LONP2: variants seen among roughly 807,000 people sequenced by gnomAD.
LONP2 encodes the protein lon protease homolog 2, peroxisomal.
In LONP2, 60 loss-of-function variants were observed where a neutral mutation model predicts 85.6. That is an observed-to-expected ratio of 0.70 (90% confidence interval 0.57 to 0.87). The LOEUF is 0.87. Ranked by LOEUF, LONP2 falls within the 40% of genes least tolerant of loss-of-function variation. The pLI, the probability that LONP2 is intolerant of heterozygous loss-of-function variation, is 0.00. For missense variants in LONP2, 860 were observed against 1,063.5 expected, an observed-to-expected ratio of 0.81 and a Z score of 2.66; for synonymous variants, 395 against 389.7, an observed-to-expected ratio of 1.01 and a Z score of -0.16.
Position 48,349,660 on chromosome 16 carries a change from A to C in LONP2, c.2337+1370A>C, listed in dbSNP as rs191881540. Among the ~76,000 whole-genome samples, 10 of 152,350 alleles carry C rather than the reference A, an allele frequency of 6.6e-5. No homozygotes were observed. In the East Asian group the frequency reaches 1.9e-3, roughly 29 times the overall value. The stretch of plus-strand genomic sequence containing the variant: ...GCTGGAGAAAACCTCCTTTGAGAAC[A>C]GAGGACAAGACGGGGCTTTGGGATT... On this transcript the variant is annotated intron_variant, in intron 14 of 14. Coordinates refer to ENST00000285737, the MANE Select transcript of LONP2 (RefSeq NM_031490.5).
rs1481876352 is a variant in LONP2, at chr16:48,351,574, C to T, written c.2338-7C>T. 6.2e-7 allele frequency: 1 copy of T among 1,611,994 alleles called. No individual in the cohort carries two copies. The highest frequency in any genetic ancestry group is 8.5e-7 in the Non-Finnish European group (1 of 1,179,108). On this transcript the variant is annotated splice_polypyrimidine_tract_variant and splice_region_variant and intron_variant, in intron 14 of 14. Coordinates refer to ENST00000285737, the MANE Select transcript of LONP2 (RefSeq NM_031490.5). ...TTAACCCTAAAAACTTTTTTCTCTC[C>T]TTACAGGTGGGTGGAATTAAAGACA... is the stretch of plus-strand genomic sequence containing the variant.
intron 6 of LONP2, among the ~76,000 whole-genome samples, chr16:48,264,363 G>A (rs1016806383): frequency 1.3e-5 from 2 of 152,154 alleles, no homozygotes; most frequent in Admixed American, 6.6e-5. Flanking sequence ...TGTTTCTCAG[G>A]GACATTCCAT....
Position 48,333,671 on chromosome 16 carries a change from GGAGAGA to G in LONP2, c.1796-540_1796-535del, listed in dbSNP as rs984305249. 2.0e-5 allele frequency among the ~76,000 whole-genome samples: 3 copies of G among 151,360 alleles called. No homozygotes were observed. The South Asian group carries it at 6.3e-4, about 32-fold the overall frequency. ...TCAAAAAAAAAAAAAAGTGTTGGGG[GGAGAGA>G]GAGAAAGAGAGAGAGAGAGAGAAGA... On this transcript the variant is annotated intron_variant, in intron 11 of 14. Coordinates refer to ENST00000285737, the MANE Select transcript of LONP2 (RefSeq NM_031490.5).
At position 48,354,379 on chromosome 16, in the gene LONP2, T is replaced by G. The variant is rs2151038217; in HGVS notation, c.*2577T>G. 1 of 152,076 alleles carries G rather than the reference T, an allele frequency of 6.6e-6. No individual in the cohort carries two copies. Among genetic ancestry groups the G allele is most frequent in the African/African-American group, 2.4e-5 (1 of 41,438 alleles). The allele number at this position is 152,076 out of a possible 1,614,324, so 9.4% of individuals were successfully genotyped here. On this transcript the variant is annotated 3_prime_UTR_variant, in exon 15 of 15. Transcript: ENST00000285737. ...TGTGCCACCACGCCCAGCTAATTTT[T>G]GTATTTTTTAGTAGAGACAGGGTTT...
At chr16:48,270,537 A>G (rs1972082152) in intron 7 of LONP2, among the ~76,000 whole-genome samples, 2 of 152,152 alleles carry the variant, frequency 1.3e-5, no homozygotes, top group African/African-American at 4.8e-5. Context: ...ATGTAATTAT[A>G]AGTTATTTAT....
At chr16:48,258,543 C>T (rs1971810771) in intron 3 of LONP2, 75 bp from the exon 4 acceptor site, 2 of 1,448,770 alleles carry the variant, frequency 1.4e-6, no homozygotes, top group African/African-American at 1.5e-5. Context: ...GCAATTTAAA[C>T]CATGGCTCTG....
chr16:48,256,526 A>T, intron 2 of LONP2, 84 bp from the exon 3 acceptor site: 1 of 1,453,354 alleles, frequency 6.9e-7, no homozygotes, highest in Non-Finnish European at 9.6e-7. Flanking sequence ...AGGCCCAAAC[A>T]TTAAACCTAG....
intron 6 of LONP2, among the ~76,000 whole-genome samples, chr16:48,266,099 G>C (rs1053693281): frequency 3.9e-5 from 6 of 152,076 alleles, no homozygotes; most frequent in Non-Finnish European, 8.8e-5. Flanking sequence ...TGCCTCCCAA[G>C]TTCAAGCGAT....
Position 48,258,734 on chromosome 16 carries a change from T to C in LONP2, c.717T>C (p.Asp239=), listed in dbSNP as rs751997928. ...CCAGAAAACCCAAGCAAGATGATGA[T>C]AAGAGGGTAAATATTTATTTTAACC... ...QKTRKPKQDD[D]KRVIAIRPIR... The change falls in exon 4 of 15, where the codon GAT becomes GAC. Residue 239 remains aspartate, a synonymous_variant. Coordinates refer to ENST00000285737, the MANE Select transcript of LONP2 (RefSeq NM_031490.5). The C allele has an allele frequency of 1.2e-6, 2 of 1,603,624 alleles. No homozygotes were observed. The highest frequency in any genetic ancestry group is 1.7e-6 in the Non-Finnish European group (2 of 1,176,956).
intron 11 of LONP2, among the ~76,000 whole-genome samples, chr16:48,322,147 G>A (rs145472761): frequency 1.3e-5 from 2 of 151,686 alleles, no homozygotes; most frequent in African/African-American, 4.8e-5. Context: ...ACACTGTATA[G>A]CTATACAAAA....
rs145961395 is a variant in LONP2, at chr16:48,258,718, C to T, written c.701C>T (p.Pro234Leu). 5.0e-6 allele frequency: 8 copies of T among 1,610,074 alleles called. No individual in the cohort carries two copies. The highest frequency in any genetic ancestry group is 6.8e-6 in the Non-Finnish European group (8 of 1,178,386). Residue 234 changes from proline (P) to leucine (L), a missense_variant, in exon 4 of 15, where the codon CCC becomes CTC. By Grantham distance (98) the Pro-to-Leu change is moderately conservative. This residue lies in a region of LONP2 where 743 missense variants were observed against 917.3 expected (regional missense o/e 0.81). Transcript: ENST00000285737. ...AAATTGCTTCAAAAAACCAGAAAAC[C>T]CAAGCAAGATGATGATAAGAGGGTA... ...GLKLLQKTRK[P>L]KQDDDKRVIA...
intron 2 of LONP2, among the ~76,000 whole-genome samples, chr16:48,252,719 A>G (rs1425992024): frequency 1.3e-5 from 2 of 152,246 alleles, no homozygotes; most frequent in Non-Finnish European, 2.9e-5. Flanking sequence ...TATATAAATT[A>G]CAATATATTA....
rs79509057 is a variant in LONP2 at position 48,352,234 on chromosome 16, C to T, written c.*432C>T. 3.9e-3 allele frequency: 682 copies of T among 176,422 alleles called. 7 individuals carry two copies. The highest frequency in any genetic ancestry group is 0.015 in the African/African-American group (649 of 42,174). The allele number at this position is 176,422 out of a possible 1,614,324, so 10.9% of individuals were successfully genotyped here. ...CTGCACACTCAAGTTCAGGAACCAC[C>T]GGTATAGACCATTACCTTAGTGGAT... On this transcript the variant is annotated 3_prime_UTR_variant, in exon 15 of 15. Transcript: ENST00000285737.
At chr16:48,298,430 TAAATAC>T (rs1428839429) in intron 9 of LONP2, among the ~76,000 whole-genome samples, 2 of 151,918 alleles carry the variant, frequency 1.3e-5, no homozygotes, top group Non-Finnish European at 2.9e-5. Flanking sequence ...TATACATACA[TAAATAC>T]ATATGCACAC....
intron 12 of LONP2, among the ~76,000 whole-genome samples, chr16:48,340,353 CA>C (rs1959776621): frequency 6.6e-6 from 1 of 152,132 alleles, no homozygotes; most frequent in Admixed American, 6.5e-5. Flanking sequence ...AAAGAAAAAA[CA>C]AATACTAATT....
At chr16:48,297,425 T>G (rs1177795752) in intron 9 of LONP2, among the ~76,000 whole-genome samples, 2 of 152,022 alleles carry the variant, frequency 1.3e-5, no homozygotes, top group Non-Finnish European at 2.9e-5. Context: ...TTCTTGTGCC[T>G]CAGCCTCCTG....
rs1336955698 is a variant in LONP2 at position 48,270,195 on chromosome 16, G to A, written c.1162G>A (p.Val388Met). The A allele has an allele frequency of 1.9e-6, 3 of 1,614,082 alleles. No homozygotes were observed. The highest frequency in any genetic ancestry group is 1.1e-5 in the South Asian group (1 of 91,088). ...GVGKTSVGRSVAKTLGREFHR... is the reference protein window; with the variant it reads ...GVGKTSVGRSMAKTLGREFHR... ...TGGTAAAACAAGTGTGGGAAGATCA[G>A]TGGCCAAGACTCTAGGTCGAGAGTT... Residue 388 changes from valine to methionine, a missense_variant, in exon 7 of 15, where the codon GTG becomes ATG. This residue lies in a region of LONP2 where 743 missense variants were observed against 917.3 expected (regional missense o/e 0.81). Transcript: ENST00000285737.
chr16:48,331,525 GATAA>G (rs1444163985), intron 11 of LONP2, among the ~76,000 whole-genome samples: 1 of 151,834 alleles, frequency 6.6e-6, no homozygotes, highest in Non-Finnish European at 1.5e-5. Context: ...TTACATATGT[GATAA>G]ATAGTGCATT....
At chr16:48,312,881 ACT>A (rs1973063675) in intron 11 of LONP2, among the ~76,000 whole-genome samples, 1 of 151,804 alleles carries the variant, frequency 6.6e-6, no homozygotes, top group Admixed American at 6.6e-5. Context: ...GGGCCGTGAA[ACT>A]CTCAGGGGTC....
Sources: allele counts gnomAD v4.1 joint callset (sites outside exome capture counted in the v4.1 genomes callset), GRCh38; gene constraint gnomAD v4.1.1; regional missense constraint gnomAD v4.1.1; transcripts MANE v1.5; gene names NCBI Gene and HGNC (gene_info 2026-07-23, HGNC 2026-07-21).